Variants in HPD observed in about 807,000 individuals in gnomAD.
HPD encodes 4-hydroxyphenylpyruvate dioxygenase, also known as 4-hydroxyphenylpyruvic acid oxidase.
HPD carries 35 observed loss-of-function variants against 56.9 expected under a neutral mutation model. That is an observed-to-expected ratio of 0.62 (90% CI 0.47 to 0.82). The LOEUF (loss-of-function observed/expected upper bound fraction) is 0.82, where lower values mean the gene tolerates loss of function less well. Among genes scored for constraint, HPD ranks in the 40% least tolerant of loss-of-function variants. HPD has a pLI of 0.00. For synonymous variants in HPD, 186 were observed against 200.2 expected (o/e 0.93, Z 0.60); for missense variants, 442 against 506.8 (o/e 0.87, Z 1.23).
intron 7 of HPD, among the ~76,000 whole-genome samples, chr12:121,853,490 C>A (rs545951860): frequency 1.3e-5 from 2 of 151,284 alleles, no homozygotes; most frequent in Admixed American, 1.3e-4. Context: ...GGCGTGGTGG[C>A]GGGCGCCTGT....
At chr12:121,879,998 T>C in the HPD span, among the ~76,000 whole-genome samples, 1 of 151,696 alleles carries the variant, frequency 6.6e-6, no homozygotes. Flanking sequence ...AATTTAAAAA[T>C]TAGCTGGGTG....
chr12:121,849,184 C>T, intron 8 of HPD, 108 bp from the exon 9 acceptor site: 2 of 742,498 alleles, frequency 2.7e-6, no homozygotes, highest in Admixed American at 2.1e-5. Context: ...TTTTGGAGTT[C>T]TATTTTTTTG....
At chr12:121,845,166 T>C (rs1877537691) in intron 11 of HPD, among the ~76,000 whole-genome samples, 1 of 149,588 alleles carries the variant, frequency 6.7e-6, no homozygotes, top group South Asian at 2.1e-4. Context: ...CAGGCTGCAG[T>C]GCAGTGGCAT....
chr12:121,878,577 G>A, the HPD span, among the ~76,000 whole-genome samples: 1 of 152,036 alleles, frequency 6.6e-6, no homozygotes, highest in African/African-American at 2.4e-5. Context: ...TCAAACTCCT[G>A]ACCTCAAGTG....
chr12:121,883,329 C>T, the HPD span, among the ~76,000 whole-genome samples: 4 of 151,296 alleles, frequency 2.6e-5, no homozygotes, highest in African/African-American at 9.7e-5. Flanking sequence ...TAAGCAGTAG[C>T]GTGCCAATGT....
Position 121,839,759 on chromosome 12 carries a change from A to G in HPD, c.1151T>C (p.Met384Thr). The change falls in exon 14 of 14, where the codon ATG becomes ACG. Residue 384 changes from methionine to threonine, a missense_variant. Met to Thr is a moderately conservative substitution (Grantham distance 81). Transcript: ENST00000289004. ...GCCGGGCACCACCCCATTGGTCTCC[A>G]TGTTGGTGAGGTTACCCCGCAGGTT... ...EQNLRGNLTN[M>T]ETNGVVPGM 1 of 1,614,114 alleles carries G rather than the reference A, an allele frequency of 6.2e-7. No individual in the cohort carries two copies. The highest frequency in any genetic ancestry group is 1.3e-5 in the African/African-American group (1 of 75,064).
At chr12:121,850,928 A>T (rs896817851) in intron 7 of HPD, among the ~76,000 whole-genome samples, 1 of 146,532 alleles carries the variant, frequency 6.8e-6, no homozygotes, top group African/African-American at 2.5e-5. Flanking sequence ...CAATGGTGCG[A>T]TCTTGGCTCA....
intron 3 of HPD, 112 bp downstream of exon 3, chr12:121,857,645 G>A: frequency 1.0e-6 from 1 of 990,954 alleles, no homozygotes; most frequent in South Asian, 1.3e-5. Flanking sequence ...CCCACCCCTG[G>A]CCTGATCCTC....
intron 6 of HPD, 74 bp from the exon 7 acceptor site, chr12:121,854,866 G>T: frequency 8.4e-7 from 1 of 1,195,564 alleles, no homozygotes; most frequent in Non-Finnish European, 1.3e-6. Context: ...GCTCCTGCCT[G>T]GTGGCCTCTG....
At chr12:121,849,146 CAAT>C (rs1240267135) in intron 8 of HPD, 70 bp from the exon 9 acceptor site, 8 of 883,052 alleles carry the variant, frequency 9.1e-6, no homozygotes, top group South Asian at 2.6e-5. Flanking sequence ...CATGACCCCT[CAAT>C]AATAATAATA....
chr12:121,861,946 G>A (rs1256268521), upstream of HPD, among the ~76,000 whole-genome samples: 1 of 152,128 alleles, frequency 6.6e-6, no homozygotes, highest in East Asian at 1.9e-4. Context: ...AGAGGTCGAG[G>A]CTGCAATGAG....
the HPD span, among the ~76,000 whole-genome samples, chr12:121,878,220 C>T: frequency 1.3e-5 from 2 of 151,992 alleles, no homozygotes; most frequent in African/African-American, 2.4e-5. Flanking sequence ...TGATTTTGTG[C>T]GTTTTTAGAT....
intron 7 of HPD, among the ~76,000 whole-genome samples, chr12:121,852,910 G>A (rs1345188858): frequency 6.6e-6 from 1 of 152,062 alleles, no homozygotes. Context: ...GGGATTATGG[G>A]CGTGAGCCAC....
the HPD span, among the ~76,000 whole-genome samples, chr12:121,872,602 C>T: frequency 6.6e-6 from 1 of 151,900 alleles, no homozygotes; most frequent in Non-Finnish European, 1.5e-5. Context: ...CCTTTCCCTG[C>T]TCCGTTCATG....
At chr12:121,886,109 GTT>G in the HPD span, among the ~76,000 whole-genome samples, 7 of 129,424 alleles carry the variant, frequency 5.4e-5, no homozygotes, top group Admixed American at 7.9e-5. Context: ...ATTGCATTTA[GTT>G]TTTTTTTTTT....
chr12:121,866,170 A>T (rs529293913), upstream of HPD, among the ~76,000 whole-genome samples: 1 of 151,446 alleles, frequency 6.6e-6, no homozygotes. Context: ...GCATGGTGGC[A>T]GGCGCCTGTA....
At chr12:121,863,884 A>G (rs1878249908), upstream of HPD, among the ~76,000 whole-genome samples, 3 of 152,004 alleles carry the variant, frequency 2.0e-5, no homozygotes, top group Non-Finnish European at 4.4e-5. Flanking sequence ...TGAACCTGAA[A>G]TGAAGCTTTC....
At chr12:121,859,261 C>A (rs1407744260), upstream of HPD, 5 of 296,606 alleles carry the variant, frequency 1.7e-5, no homozygotes, top group Admixed American at 2.3e-4. Context: ...CGTTGTATTC[C>A]ATAGCTCTGA....
chr12:121,868,927 G>T, the HPD span, among the ~76,000 whole-genome samples: 1 of 152,168 alleles, frequency 6.6e-6, no homozygotes, highest in East Asian at 1.9e-4. Flanking sequence ...CTATCATCCA[G>T]GCTGGAGTGC....
Sources: allele counts gnomAD v4.1 joint callset (sites outside exome capture counted in the v4.1 genomes callset), GRCh38; gene constraint gnomAD v4.1.1; transcripts MANE v1.5; gene names NCBI Gene and HGNC (gene_info 2026-07-23, HGNC 2026-07-21).